NAALADL2: variants seen among roughly 807,000 people sequenced by gnomAD.
NAALADL2 encodes the protein N-acetylated alpha-linked acidic dipeptidase like 2.
NAALADL2 carries 76 observed loss-of-function variants against 87.2 expected under a neutral mutation model. The observed-to-expected ratio is 0.87, with a 90% CI of 0.72 to 1.05. NAALADL2 has a LOEUF of 1.05. Among genes scored for constraint, NAALADL2 ranks in the 50% least tolerant of loss-of-function variants. The probability of loss-of-function intolerance (pLI) is 0.00; values close to 1 mark genes in which losing one functional copy is unlikely to be tolerated. For synonymous variants in NAALADL2, 354 were observed against 331.0 expected (o/e 1.07, Z -0.75); for missense variants, 1,089 against 945.8 (o/e 1.15, Z -1.99).
chr3:175,218,408 A>T (rs1028871161), intron 2 of NAALADL2, among the ~76,000 whole-genome samples: 2 of 152,064 alleles, frequency 1.3e-5, no homozygotes, highest in African/African-American at 4.8e-5. Context: ...AGGTAATCTG[A>T]GTTTTCTTAC....
intron 1 of NAALADL2, among the ~76,000 whole-genome samples, chr3:175,096,506 G>GTGTC (rs1268542706): frequency 9.0e-6 from 1 of 111,264 alleles, no homozygotes; most frequent in African/African-American, 4.2e-5. Flanking sequence ...GTGTGTGTGT[G>GTGTC]TGTGTGTGTG....
intron 11 of NAALADL2, among the ~76,000 whole-genome samples, chr3:175,627,714 A>G (rs1475994317): frequency 6.6e-6 from 1 of 151,672 alleles, no homozygotes; most frequent in African/African-American, 2.4e-5. Context: ...TTTCTGCCTG[A>G]TAGGTATGTC....
intron 5 of NAALADL2, among the ~76,000 whole-genome samples, chr3:175,347,464 G>C (rs1369705417): frequency 6.6e-6 from 1 of 152,114 alleles, no homozygotes; most frequent in Non-Finnish European, 1.5e-5. Context: ...GATTGAATCA[G>C]CTACTTTTAG....
chr3:175,793,016 G>A (rs1413670055), intron 13 of NAALADL2, among the ~76,000 whole-genome samples: 1 of 152,160 alleles, frequency 6.6e-6, no homozygotes, highest in African/African-American at 2.4e-5. Flanking sequence ...TCAAATGTAC[G>A]TGCCAACATT....
intron 1 of NAALADL2, among the ~76,000 whole-genome samples, chr3:175,003,645 T>A (rs988207667): frequency 2.6e-5 from 4 of 152,066 alleles, no homozygotes; most frequent in Non-Finnish European, 5.9e-5. Flanking sequence ...TGAAAAAAAA[T>A]ATACCTTCAG....
chr3:175,128,722 T>C (rs1727342587), intron 2 of NAALADL2, among the ~76,000 whole-genome samples: 1 of 152,172 alleles, frequency 6.6e-6, no homozygotes. Context: ...TCAGATTCTT[T>C]GTGATTTATA....
intron 13 of NAALADL2, among the ~76,000 whole-genome samples, chr3:175,767,200 T>A (rs1346776567): frequency 1.3e-5 from 2 of 151,600 alleles, no homozygotes; most frequent in East Asian, 3.9e-4. Flanking sequence ...GACTACAGCA[T>A]TTTTAACTGA....
chr3:175,156,034 T>G (rs1485184704), intron 2 of NAALADL2, among the ~76,000 whole-genome samples: 1 of 152,188 alleles, frequency 6.6e-6, no homozygotes, highest in Non-Finnish European at 1.5e-5. Flanking sequence ...CAGAAGAAGT[T>G]TAATGTCTCT....
rs1553857529 is a variant in NAALADL2 at position 175,314,688 on chromosome 3, A to ATG, written c.940-9486_940-9485insGT. 1.6e-3 allele frequency among the ~76,000 whole-genome samples: 63 copies of ATG among 39,620 alleles called. 1 individual carries two copies. The highest frequency in any genetic ancestry group is 2.4e-3 in the Non-Finnish European group (54 of 22,516). 26.0% of individuals were successfully genotyped at this position (39,620 alleles called of 152,430 possible). A position where few individuals can be genotyped will look rare whatever the true frequency, so the allele number is the denominator to read the frequency against. Reference sequence around the variant, plus strand: ...TAACTATATATATATATATATATATATATATATATATATATATATATATAT... The same window carrying ATG: ...TAACTATATATATATATATATATATATGTATATATATATATATATATATATAT... On this transcript the variant is annotated intron_variant, in intron 4 of 13. Transcript: ENST00000454872.
At chr3:174,861,054 T>A (rs547927411) in intron 1 of NAALADL2, among the ~76,000 whole-genome samples, 1 of 152,224 alleles carries the variant, frequency 6.6e-6, no homozygotes, top group African/African-American at 2.4e-5. Context: ...TTTAAGCCTT[T>A]TGTAGTTGGG....
At chr3:174,804,281 G>A (rs963375263) in intron 3 of NAALADL2, among the ~76,000 whole-genome samples, 1 of 152,090 alleles carries the variant, frequency 6.6e-6, no homozygotes, top group African/African-American at 2.4e-5. Flanking sequence ...GTCTATTGTT[G>A]TATAGGAATG....
intron 11 of NAALADL2, among the ~76,000 whole-genome samples, chr3:175,674,269 GT>G (rs1394547897): frequency 7.6e-6 from 1 of 131,414 alleles, no homozygotes; most frequent in Admixed American, 7.4e-5. Flanking sequence ...TGTTTGTTTT[GT>G]TTTTTTTGAG....
At chr3:175,285,925 T>G (rs2110109220) in intron 4 of NAALADL2, among the ~76,000 whole-genome samples, 1 of 152,292 alleles carries the variant, frequency 6.6e-6, no homozygotes, top group African/African-American at 2.4e-5. Context: ...TAAAATATAT[T>G]ATCCAGAATA....
chr3:175,041,052 G>A lies in NAALADL2; in HGVS notation c.44-55738G>A, dbSNP rs1417323209. 2.6e-5 allele frequency among the ~76,000 whole-genome samples: 4 copies of A among 151,896 alleles called. No individual in the cohort carries two copies. In the East Asian group the frequency reaches 7.7e-4, roughly 29 times the overall value. Reference sequence around the variant, plus strand: ...TTTATTCGTGCCATAACCTTATTTTGTGCAACTGCCTCTTGGAATTCATTA... The same window carrying A: ...TTTATTCGTGCCATAACCTTATTTTATGCAACTGCCTCTTGGAATTCATTA... On this transcript the variant is annotated intron_variant, in intron 1 of 13. Transcript: ENST00000454872.
At chr3:175,395,970 T>C (rs551214999) in intron 5 of NAALADL2, among the ~76,000 whole-genome samples, 2 of 152,306 alleles carry the variant, frequency 1.3e-5, no homozygotes, top group East Asian at 1.9e-4. Context: ...AAAGCAAGCA[T>C]GGTTTTAATT....
At chr3:175,466,363 C>T (rs1724020476) in intron 7 of NAALADL2, among the ~76,000 whole-genome samples, 1 of 152,082 alleles carries the variant, frequency 6.6e-6, no homozygotes, top group Non-Finnish European at 1.5e-5. Context: ...TAGGAAGGCT[C>T]TCCTAGTAGT....
chr3:175,729,542 G>C (rs1743382486), intron 11 of NAALADL2, among the ~76,000 whole-genome samples: 1 of 152,172 alleles, frequency 6.6e-6, no homozygotes, highest in Non-Finnish European at 1.5e-5. Flanking sequence ...ATTGCTGAGT[G>C]TTCAAACTGT....
intron 9 of NAALADL2, among the ~76,000 whole-genome samples, chr3:175,532,285 G>A (rs1385036435): frequency 6.6e-6 from 1 of 152,194 alleles, no homozygotes; most frequent in Non-Finnish European, 1.5e-5. Context: ...TCCCTAAAAT[G>A]TCTGATCACT....
At chr3:175,681,038 G>A (rs548085547) in intron 11 of NAALADL2, among the ~76,000 whole-genome samples, 5 of 152,226 alleles carry the variant, frequency 3.3e-5, no homozygotes, top group East Asian at 3.9e-4. Flanking sequence ...ACTTAAACCC[G>A]GGAGGTGGAG....
Sources: allele counts gnomAD v4.1 joint callset (sites outside exome capture counted in the v4.1 genomes callset), GRCh38; gene constraint gnomAD v4.1.1; transcripts MANE v1.5; gene names NCBI Gene and HGNC (gene_info 2026-07-23, HGNC 2026-07-21).